Variants in TNFRSF10B observed in about 807,000 individuals in gnomAD.
TNFRSF10B encodes the protein tumor necrosis factor receptor superfamily member 10B.
Under a neutral mutation model 41.4 loss-of-function variants are expected in TNFRSF10B, and 35 were observed. The observed-to-expected ratio is 0.85, with a 90% CI of 0.65 to 1.12. TNFRSF10B has a LOEUF of 1.12. Among genes scored for constraint, TNFRSF10B ranks in the 50% most tolerant of loss-of-function variants. The pLI, the probability that TNFRSF10B is intolerant of heterozygous loss-of-function variation, is 0.00. For missense variants in TNFRSF10B, 584 were observed against 552.7 expected (o/e 1.06, Z -0.57); for synonymous variants, 230 against 215.5 (o/e 1.07, Z -0.59).
At chr8:23,041,999 T>C (rs1812215323) in intron 2 of TNFRSF10B, among the ~76,000 whole-genome samples, 1 of 152,222 alleles carries the variant, frequency 6.6e-6, no homozygotes, top group Non-Finnish European at 1.5e-5. Context: ...AAATGTGTAC[T>C]GCTAGCCCTG....
At chr8:23,029,253 T>C (rs933920439) in intron 4 of TNFRSF10B, among the ~76,000 whole-genome samples, 4 of 152,172 alleles carry the variant, frequency 2.6e-5, no homozygotes, top group Admixed American at 2.6e-4. Context: ...AAAAAATACA[T>C]TTTATTGCTG....
chr8:23,055,697 C>T (rs1401923530), intron 1 of TNFRSF10B, among the ~76,000 whole-genome samples: 1 of 151,962 alleles, frequency 6.6e-6, no homozygotes, highest in Non-Finnish European at 1.5e-5. Flanking sequence ...TGAAGAAACT[C>T]CCCAGGCCTC....
chr8:23,056,373 A>G (rs899928366), intron 1 of TNFRSF10B, among the ~76,000 whole-genome samples: 1 of 152,124 alleles, frequency 6.6e-6, no homozygotes, highest in African/African-American at 2.4e-5. Context: ...TGAAATGTGA[A>G]GTTAAGTGTG....
At chr8:23,045,959 A>T (rs1300036073) in intron 1 of TNFRSF10B, among the ~76,000 whole-genome samples, 1 of 152,222 alleles carries the variant, frequency 6.6e-6, no homozygotes, top group Non-Finnish European at 1.5e-5. Context: ...GCCTTATATG[A>T]CAAGCTTACA....
intron 1 of TNFRSF10B, among the ~76,000 whole-genome samples, chr8:23,046,632 A>C (rs1180139712): frequency 1.5e-5 from 2 of 130,324 alleles, no homozygotes; most frequent in Non-Finnish European, 3.2e-5. Context: ...AAAAAAAAAA[A>C]AACACAAATA....
intron 3 of TNFRSF10B, among the ~76,000 whole-genome samples, chr8:23,030,038 C>A (rs552468517): frequency 6.6e-6 from 1 of 152,124 alleles, no homozygotes; most frequent in Non-Finnish European, 1.5e-5. Context: ...ACCTGAGAGA[C>A]TGCAAGGAGA....
chr8:23,044,814 CAA>C (rs1305531741), intron 1 of TNFRSF10B, among the ~76,000 whole-genome samples: 1 of 151,304 alleles, frequency 6.6e-6, no homozygotes, highest in Non-Finnish European at 1.5e-5. Flanking sequence ...GAAAAAAATA[CAA>C]AAGATTATCA....
At chr8:23,052,443 G>A (rs570726920) in intron 1 of TNFRSF10B, among the ~76,000 whole-genome samples, 37 of 152,048 alleles carry the variant, frequency 2.4e-4, no homozygotes, top group African/African-American at 5.3e-4. Flanking sequence ...CCACCACCAC[G>A]CCTGGCTAAT....
chr8:23,045,060 CAAAAA>C (rs35953846), intron 1 of TNFRSF10B, among the ~76,000 whole-genome samples: 3 of 38,810 alleles, frequency 7.7e-5, no homozygotes, highest in African/African-American at 3.3e-4. Flanking sequence ...TAATAAAATA[CAAAAA>C]AAAAAAAAAA....
At chr8:23,063,898 C>G (rs939375295) in intron 1 of TNFRSF10B, among the ~76,000 whole-genome samples, 11 of 152,342 alleles carry the variant, frequency 7.2e-5, no homozygotes, top group Non-Finnish European at 1.5e-4. Context: ...CCTCAGCCTG[C>G]CTGCCACACT....
intron 1 of TNFRSF10B, among the ~76,000 whole-genome samples, chr8:23,066,733 T>G (rs1162870543): frequency 6.6e-6 from 1 of 151,092 alleles, no homozygotes; most frequent in African/African-American, 2.4e-5. Flanking sequence ...CCGTCTCTAC[T>G]AAAAATACAA....
chr8:23,061,739 A>G (rs1384502777), intron 1 of TNFRSF10B, among the ~76,000 whole-genome samples: 1 of 152,210 alleles, frequency 6.6e-6, no homozygotes, highest in Non-Finnish European at 1.5e-5. Flanking sequence ...TGTTTTCATC[A>G]TGAAAGGGCT....
intron 1 of TNFRSF10B, among the ~76,000 whole-genome samples, chr8:23,046,935 A>G (rs1173237087): frequency 6.6e-6 from 1 of 152,226 alleles, no homozygotes; most frequent in African/African-American, 2.4e-5. Context: ...CTTATCTTAC[A>G]CCATATACAA....
intron 4 of TNFRSF10B, 60 bp from the exon 5 acceptor site, chr8:23,028,662 G>A: frequency 1.9e-6 from 3 of 1,603,514 alleles, no homozygotes; most frequent in Non-Finnish European, 1.7e-6. Flanking sequence ...CAGGTGGGAT[G>A]AAAGAGGAGC....
In TNFRSF10B at chr8:23,028,812, C is replaced by A. The variant is rs117957492; in HGVS notation, c.477-210G>T. Among the ~76,000 whole-genome samples, 900 of 152,322 alleles carry A rather than the reference C, an allele frequency of 5.9e-3. 21 individuals are homozygous for A. The highest frequency in any genetic ancestry group is 0.045 in the East Asian group (232 of 5,178). On this transcript the variant is annotated intron_variant, in intron 4 of 8. Coordinates refer to ENST00000276431, the MANE Select transcript of TNFRSF10B (RefSeq NM_003842.5). ...GCACTTCAGCCCCTCGGCCTCCCTG[C>A]TCTGGGGTCAGAGCTGCAGTTCCAG...
At chr8:23,024,301 G>A (rs1443066593) in intron 7 of TNFRSF10B, 41 bp from the exon 8 acceptor site, 1 of 1,609,698 alleles carries the variant, frequency 6.2e-7, no homozygotes, top group African/African-American at 1.3e-5. Context: ...AGAGCCAGGA[G>A]TCCTACAGTC....
At chr8:23,064,617 T>G in intron 1 of TNFRSF10B, among the ~76,000 whole-genome samples, 1 of 152,246 alleles carries the variant, frequency 6.6e-6, no homozygotes, top group Admixed American at 6.5e-5. Flanking sequence ...CTCCCGGACA[T>G]GAGCCATTGG....
chr8:23,051,584 G>A (rs58302031), intron 1 of TNFRSF10B, among the ~76,000 whole-genome samples: 24,128 of 148,874 alleles, frequency 0.16, 2,649 homozygotes, highest in East Asian at 0.47. Flanking sequence ...TCGCTCTGTC[G>A]CCCAGGCTGG....
At chr8:23,029,530 G>A in intron 4 of TNFRSF10B, 80 bp downstream of exon 4, 3 of 1,400,670 alleles carry the variant, frequency 2.1e-6, no homozygotes, top group Non-Finnish European at 2.0e-6. Flanking sequence ...GGTGCTGTCA[G>A]GGGAGAGACA....
Sources: gnomAD v4.1 joint callset for allele counts (sites outside exome capture counted in the v4.1 genomes callset) on GRCh38, gnomAD v4.1.1 for gene constraint, MANE v1.5 for transcripts, NCBI Gene and HGNC (gene_info 2026-07-23, HGNC 2026-07-21) for gene names.